The following KDM1A variants were observed in gnomAD, a reference collection of about 807,000 sequenced individuals.
KDM1A encodes lysine-specific histone demethylase 1A.
Under a neutral mutation model 109.4 loss-of-function variants are expected in KDM1A, and 49 were observed. The ratio of observed to expected loss-of-function variants is 0.45; its 90% confidence interval spans 0.36 to 0.57. The LOEUF (loss-of-function observed/expected upper bound fraction) is 0.57, where lower values mean the gene tolerates loss of function less well. Among genes scored for constraint, KDM1A ranks in the 20% least tolerant of loss-of-function variants. The pLI is 0.00. For missense variants in KDM1A, 668 were observed against 1,116.6 expected (o/e 0.60, Z 5.73); for synonymous variants, 380 against 415.4 (o/e 0.91, Z 1.04).
intron 3 of KDM1A, among the ~76,000 whole-genome samples, chr1:23,045,400 A>G (rs1642473553): frequency 6.6e-6 from 1 of 152,194 alleles, no homozygotes; most frequent in African/African-American, 2.4e-5. Context: ...TTCATTGTTA[A>G]TACAGCAATT....
chr1:23,031,547 C>T (rs1469344349), intron 2 of KDM1A, among the ~76,000 whole-genome samples: 1 of 151,904 alleles, frequency 6.6e-6, no homozygotes, highest in African/African-American at 2.4e-5. Flanking sequence ...AGACATACTT[C>T]ATTTGAGATG....
rs1286583072 is a variant in KDM1A at position 23,039,322 on chromosome 1, CTT to C, written c.518-5101_518-5100del. 2.0e-5 allele frequency among the ~76,000 whole-genome samples: 3 copies of C among 152,142 alleles called. No homozygotes were observed. In the East Asian group the frequency reaches 5.8e-4, roughly 29 times the overall value. On this transcript the variant is annotated intron_variant, in intron 2 of 20. Transcript: ENST00000400181. ...AAAGTCATGCATCTTACTGTGCAGT[CTT>C]TTTCATTTTTTAGGCCTTACCCATT...
At chr1:23,081,595 G>A in intron 19 of KDM1A, 22 bp downstream of exon 19, 1 of 1,613,766 alleles carries the variant, frequency 6.2e-7, no homozygotes, top group Non-Finnish European at 8.5e-7. Flanking sequence ...GGTGGGGCAA[G>A]GAGGGATCTA....
At chr1:23,024,173 CTG>C (rs1005927677) in intron 1 of KDM1A, among the ~76,000 whole-genome samples, 1 of 152,048 alleles carries the variant, frequency 6.6e-6, no homozygotes, top group African/African-American at 2.4e-5. Context: ...TGTAATTCTC[CTG>C]TGTTTATTTT....
rs2124519532 is a variant in KDM1A at position 23,072,124 on chromosome 1, G to A, written c.1549G>A (p.Glu517Lys). ...KHRDLTALCK[E>K]YDELAETQGK... ...CTCAGGTTCACTTAATTTTTATCAG[G>A]AATATGATGAATTAGCTGAAACACA... is the stretch of plus-strand genomic sequence containing the variant. The change falls in exon 14 of 21, where the codon GAA becomes AAA. Residue 517 changes from glutamate to lysine, a missense_variant and splice_region_variant. This residue lies in a region of KDM1A where 162 missense variants were observed against 376.4 expected (regional missense o/e 0.43). Coordinates refer to ENST00000400181, the MANE Select transcript of KDM1A (RefSeq NM_001009999.3). The A allele has an allele frequency of 6.2e-7, 1 of 1,602,034 alleles. No individual in the cohort carries two copies. The highest frequency in any genetic ancestry group is 8.5e-7 in the Non-Finnish European group (1 of 1,171,828).
At chr1:23,056,136 C>A in intron 7 of KDM1A, 98 bp downstream of exon 7, 2 of 805,646 alleles carry the variant, frequency 2.5e-6, no homozygotes, top group African/African-American at 1.7e-5. Flanking sequence ...TTGAACTAAG[C>A]TAAATTGATT....
In KDM1A at chr1:23,050,442, A is replaced by G. The variant is rs1162912782; in HGVS notation, c.633A>G (p.Gln211=). 3 of 1,613,640 alleles carry G rather than the reference A, an allele frequency of 1.9e-6. No homozygotes were observed. Among genetic ancestry groups the G allele is most frequent in the East Asian group, 2.2e-5 (1 of 44,844 alleles). Residue 211 remains glutamine, a synonymous_variant, in exon 4 of 21, where the codon CAA becomes CAG. Transcript: ENST00000400181. ...SRLPHDRMTS[Q]EAACFPDIIS... is the part of the protein sequence containing the mutation. Reference sequence around the variant, plus strand: ...TTCCTCATGACCGGATGACTTCTCAAGAAGCAGCCTGTTTTCCAGATATTA... The same window carrying G: ...TTCCTCATGACCGGATGACTTCTCAGGAAGCAGCCTGTTTTCCAGATATTA...
At chr1:23,074,675 G>T (rs1643412465) in intron 15 of KDM1A, among the ~76,000 whole-genome samples, 1 of 152,274 alleles carries the variant, frequency 6.6e-6, no homozygotes, top group Admixed American at 6.5e-5. Context: ...TGCAGAAATT[G>T]TATGGGTTTA....
At chr1:23,043,725 T>C (rs1361911463) in intron 2 of KDM1A, among the ~76,000 whole-genome samples, 1 of 152,204 alleles carries the variant, frequency 6.6e-6, no homozygotes, top group African/African-American at 2.4e-5. Flanking sequence ...TATTAATCAG[T>C]GAGGAAAATT....
chr1:23,077,841 A>G (rs964839541), intron 16 of KDM1A, among the ~76,000 whole-genome samples: 1 of 152,096 alleles, frequency 6.6e-6, no homozygotes, highest in African/African-American at 2.4e-5. Flanking sequence ...GGCTTTTTCT[A>G]TGCATTTGGG....
chr1:23,025,621 C>G (rs1242189777), intron 1 of KDM1A, among the ~76,000 whole-genome samples: 1 of 152,064 alleles, frequency 6.6e-6, no homozygotes, highest in African/African-American at 2.4e-5. Context: ...TGAGCCACTG[C>G]ACCTGGCAGG....
At chr1:23,057,253 G>A (rs754700455) in intron 7 of KDM1A, among the ~76,000 whole-genome samples, 2 of 152,130 alleles carry the variant, frequency 1.3e-5, no homozygotes, top group African/African-American at 2.4e-5. Context: ...ATTCTGTGTC[G>A]TTTAGTTATA....
chr1:23,053,479 G>C (rs1266342313), intron 4 of KDM1A, among the ~76,000 whole-genome samples: 1 of 151,984 alleles, frequency 6.6e-6, no homozygotes, highest in Non-Finnish European at 1.5e-5. Flanking sequence ...TCGACGTCCC[G>C]GGCTCAAGCA....
chr1:23,082,536 G>T (rs1158325453), intron 20 of KDM1A, 170 bp downstream of exon 20: 2 of 636,116 alleles, frequency 3.1e-6, no homozygotes, highest in Non-Finnish European at 5.0e-6. Context: ...CTCATAATTT[G>T]GTTTTGTAAA....
rs1362546612 is a variant in KDM1A, at chr1:23,055,165, A to G, written c.883+4A>G. 1 of 1,566,694 alleles carries G rather than the reference A, an allele frequency of 6.4e-7. No homozygotes were observed. Among genetic ancestry groups the G allele is most frequent in the Non-Finnish European group, 8.7e-7 (1 of 1,144,152 alleles). On this transcript the variant is annotated splice_donor_region_variant and intron_variant, in intron 6 of 20. Transcript: ENST00000400181. Reference sequence around the variant, plus strand: ...AAGAGGATAAAACCCCTACCAAGTAAGGACCTCCTACCTGGCTGATAAATT... The same window carrying G: ...AAGAGGATAAAACCCCTACCAAGTAGGGACCTCCTACCTGGCTGATAAATT...
Position 23,061,199 on chromosome 1 carries a change from G to A in KDM1A, c.1167+2032G>A, listed in dbSNP as rs1316210955. Among the ~76,000 whole-genome samples the A allele has an allele frequency of 8.5e-5, 13 of 152,134 alleles. No homozygotes were observed. In the East Asian group the frequency reaches 2.5e-3, roughly 29 times the overall value. On this transcript the variant is annotated intron_variant, in intron 9 of 20. Coordinates refer to ENST00000400181, the MANE Select transcript of KDM1A (RefSeq NM_001009999.3). ...AGTCTGTGAACTGTCAATTACCAGTGTGGAATGAGATAAAGAAATTACACC... is the reference window on the plus strand; with the variant it reads ...AGTCTGTGAACTGTCAATTACCAGTATGGAATGAGATAAAGAAATTACACC...
intron 2 of KDM1A, among the ~76,000 whole-genome samples, chr1:23,039,361 C>A (rs931111331): frequency 1.3e-5 from 2 of 152,150 alleles, no homozygotes; most frequent in East Asian, 3.8e-4. Flanking sequence ...TTACTGTCAC[C>A]TTTTTCTAGT....
rs1643608123 is a variant in KDM1A at position 23,081,101 on chromosome 1, G to A, written c.2171-345G>A. 2.9e-5 allele frequency: 7 copies of A among 237,702 alleles called. 1 individual carries two copies. In the South Asian group the frequency reaches 3.8e-4, roughly 13 times the overall value. 14.7% of individuals were successfully genotyped at this position (237,702 alleles called of 1,614,324 possible). A position where few individuals can be genotyped will look rare whatever the true frequency, so the allele number is the denominator to read the frequency against. On this transcript the variant is annotated intron_variant, in intron 18 of 20. Coordinates refer to ENST00000400181, the MANE Select transcript of KDM1A (RefSeq NM_001009999.3). ...TCATGGAGCTATCCAAGGTAGTCAA[G>A]GTTAAGAATTCTGTGCCAAAGTAAA...
chr1:23,032,385 G>C (rs778854495), intron 2 of KDM1A, among the ~76,000 whole-genome samples: 3 of 148,938 alleles, frequency 2.0e-5, no homozygotes, highest in African/African-American at 7.4e-5. Context: ...TTTCATAAAC[G>C]TCAGGTATTG....
Sources: gnomAD v4.1 joint callset for allele counts (sites outside exome capture counted in the v4.1 genomes callset) on GRCh38, gnomAD v4.1.1 for gene constraint, gnomAD v4.1.1 regional missense constraint, MANE v1.5 for transcripts, NCBI Gene and HGNC (gene_info 2026-07-23, HGNC 2026-07-21) for gene names.